TBC1D9: variants seen among roughly 807,000 people sequenced by gnomAD.
TBC1D9 encodes TBC1 domain family member 9, also known as TBC1 domain family member 9A.
TBC1D9 carries 63 observed loss-of-function variants against 132.0 expected under a neutral mutation model. The observed-to-expected ratio is 0.48, with a 90% confidence interval of 0.39 to 0.59. TBC1D9 has a LOEUF of 0.59. TBC1D9 is among the 20% of genes least tolerant of loss of function. The pLI is 0.00. For synonymous variants in TBC1D9, 610 were observed against 609.9 expected, an observed-to-expected ratio of 1.00 and a Z score of 0.00; for missense variants, 1,261 against 1,592.7, an observed-to-expected ratio of 0.79 and a Z score of 3.54.
intron 1 of TBC1D9, among the ~76,000 whole-genome samples, chr4:140,716,336 T>A (rs1036515473): frequency 2.6e-5 from 4 of 151,854 alleles, no homozygotes; most frequent in African/African-American, 7.3e-5. Flanking sequence ...AAAAGTTTTT[T>A]AAAAATCAGC....
At chr4:140,698,371 C>T (rs1216139534) in intron 2 of TBC1D9, among the ~76,000 whole-genome samples, 1 of 152,194 alleles carries the variant, frequency 6.6e-6, no homozygotes, top group African/African-American at 2.4e-5. Context: ...ACCTTGAAGC[C>T]ATGCCTTCGT....
intron 2 of TBC1D9, among the ~76,000 whole-genome samples, chr4:140,694,376 G>A (rs1348233622): frequency 6.6e-6 from 1 of 152,138 alleles, no homozygotes; most frequent in Non-Finnish European, 1.5e-5. Context: ...TTTGAGATCT[G>A]CCTGGGCAGC....
chr4:140,645,445 C>T (rs887337583), intron 13 of TBC1D9: 17 of 422,790 alleles, frequency 4.0e-5, no homozygotes, highest in Middle Eastern at 7.6e-4. Context: ...CTCTCTGGGT[C>T]GCGCTTCAGC....
chr4:140,747,349 CAA>C (rs201840905), intron 1 of TBC1D9, among the ~76,000 whole-genome samples: 2 of 144,556 alleles, frequency 1.4e-5, no homozygotes. Context: ...GAGACTCTGT[CAA>C]AAAAAAAAAG....
intron 1 of TBC1D9, among the ~76,000 whole-genome samples, chr4:140,727,305 C>T (rs974662266): frequency 6.6e-6 from 1 of 152,202 alleles, no homozygotes; most frequent in Non-Finnish European, 1.5e-5. Flanking sequence ...AGGGGTCAGA[C>T]TCCTGACTAC....
intron 2 of TBC1D9, chr4:140,701,049 T>C (rs532470663): frequency 2.2e-5 from 4 of 183,262 alleles, no homozygotes; most frequent in African/African-American, 9.2e-5. Context: ...CTAGGATATA[T>C]ACTTAGTACA....
At chr4:140,715,581 GA>G (rs1408226227) in intron 1 of TBC1D9, among the ~76,000 whole-genome samples, 1 of 152,334 alleles carries the variant, frequency 6.6e-6, no homozygotes, top group East Asian at 1.9e-4. Flanking sequence ...AGTTATATAA[GA>G]AGGTGCAAAG....
chr4:140,732,176 T>A (rs1053376493), intron 1 of TBC1D9, among the ~76,000 whole-genome samples: 16 of 152,216 alleles, frequency 1.1e-4, no homozygotes, highest in African/African-American at 3.4e-4. Context: ...GGAGTATTGA[T>A]AAACATACGA....
At chr4:140,639,738 A>G (rs1252423161) in intron 13 of TBC1D9, among the ~76,000 whole-genome samples, 2 of 152,246 alleles carry the variant, frequency 1.3e-5, no homozygotes, top group Admixed American at 1.3e-4. Flanking sequence ...CAAAGAAAGA[A>G]TCTTCTCAAC....
chr4:140,689,650 T>C (rs1330688556), intron 2 of TBC1D9, among the ~76,000 whole-genome samples: 1 of 8,062 alleles, frequency 1.2e-4, no homozygotes, highest in Non-Finnish European at 2.3e-4. Flanking sequence ...TCTCCCCCCC[T>C]CTCCCCTTCC....
chr4:140,743,914 C>T lies in TBC1D9; in HGVS notation c.130+12002G>A, dbSNP rs148896436. ...TTTCAAATTCCTCAAATTTCTAGGA[C>T]GCTTGGAGTAAATTTTTTCTTGCCT... On this transcript the variant is annotated intron_variant, in intron 1 of 20. Transcript: ENST00000442267. 2.2e-3 allele frequency among the ~76,000 whole-genome samples: 331 copies of T among 152,264 alleles called. 2 individuals are homozygous for T. The highest frequency in any genetic ancestry group is 7.5e-3 in the African/African-American group (313 of 41,562).
At chr4:140,705,855 G>T (rs1738142780) in intron 1 of TBC1D9, among the ~76,000 whole-genome samples, 1 of 152,134 alleles carries the variant, frequency 6.6e-6, no homozygotes, top group African/African-American at 2.4e-5. Context: ...AAACAATCTT[G>T]ATTGCCTAAG....
rs1736604795 is a variant in TBC1D9 at position 140,620,983 on chromosome 4, T to C, written c.*1212A>G. The C allele has an allele frequency of 6.6e-6, 1 of 152,640 alleles. No individual in the cohort carries two copies. The highest frequency in any genetic ancestry group is 1.5e-5 in the Non-Finnish European group (1 of 68,008). The allele number at this position is 152,640 out of a possible 1,614,324, so 9.5% of individuals were successfully genotyped here. On this transcript the variant is annotated 3_prime_UTR_variant, in exon 21 of 21. Transcript: ENST00000442267. ...AGAAGCAAAGGAAATGAGACCATGA[T>C]TATGAATTCAACAATCAGAAGAAAA...
intron 1 of TBC1D9, among the ~76,000 whole-genome samples, chr4:140,729,272 T>C (rs116309122): frequency 0.012 from 1,896 of 152,254 alleles, 16 homozygotes; most frequent in Non-Finnish European, 0.017. Flanking sequence ...GTATACTAGA[T>C]AATTTACTTT....
chr4:140,702,852 T>C (rs1738093376), intron 1 of TBC1D9, among the ~76,000 whole-genome samples: 1 of 152,156 alleles, frequency 6.6e-6, no homozygotes, highest in Admixed American at 6.5e-5. Flanking sequence ...TGGAACCCAG[T>C]ATAGAGCAGG....
chr4:140,738,694 T>C (rs1488432347), intron 1 of TBC1D9, among the ~76,000 whole-genome samples: 2 of 152,226 alleles, frequency 1.3e-5, no homozygotes, highest in African/African-American at 4.8e-5. Flanking sequence ...GTCTTCTTTG[T>C]TGAACATTCA....
chr4:140,663,965 T>A (rs1737404387), intron 9 of TBC1D9, among the ~76,000 whole-genome samples: 1 of 151,220 alleles, frequency 6.6e-6, no homozygotes, highest in Admixed American at 6.6e-5. Context: ...GAAGATCTAA[T>A]GTAATACTGT....
chr4:140,721,846 C>T (rs1169964346), intron 1 of TBC1D9, among the ~76,000 whole-genome samples: 1 of 152,190 alleles, frequency 6.6e-6, no homozygotes, highest in Non-Finnish European at 1.5e-5. Context: ...GTCTTGATAA[C>T]TTGCCCAACA....
At chr4:140,709,405 G>C (rs1350832423) in intron 1 of TBC1D9, among the ~76,000 whole-genome samples, 1 of 151,726 alleles carries the variant, frequency 6.6e-6, no homozygotes, top group African/African-American at 2.4e-5. Flanking sequence ...TTGCCAACTG[G>C]GGGACGGGGC....
Sources: gnomAD v4.1 joint callset for allele counts (sites outside exome capture counted in the v4.1 genomes callset) on GRCh38, gnomAD v4.1.1 for gene constraint, MANE v1.5 for transcripts, NCBI Gene and HGNC (gene_info 2026-07-23, HGNC 2026-07-21) for gene names.